Variants in FAT4 observed in about 807,000 individuals in gnomAD.
FAT4 encodes the protein protocadherin Fat 4.
A neutral mutation model predicts 303.9 loss-of-function variants in FAT4; 84 were observed. The ratio of observed to expected loss-of-function variants is 0.28; its 90% CI spans 0.23 to 0.33. The LOEUF (loss-of-function observed/expected upper bound fraction) is 0.33, where lower values mean the gene tolerates loss of function less well. Among genes scored for constraint, FAT4 ranks in the 10% least tolerant of loss-of-function variants. FAT4 has a pLI of 1.00. For synonymous variants in FAT4, 2,307 were observed against 2,298.8 expected (o/e 1.00, Z -0.10); for missense variants, 6,005 against 6,146.8 (o/e 0.98, Z 0.77).
At chr4:125,373,783 T>A (rs1424764340) in intron 2 of FAT4, among the ~76,000 whole-genome samples, 3 of 152,098 alleles carry the variant, frequency 2.0e-5, no homozygotes, top group Admixed American at 2.0e-4. Flanking sequence ...CAGGTGAACA[T>A]GAAAAAGCCA....
intron 2 of FAT4, among the ~76,000 whole-genome samples, chr4:125,374,909 CT>C (rs1377780126): frequency 6.6e-6 from 1 of 152,108 alleles, no homozygotes; most frequent in African/African-American, 2.4e-5. Flanking sequence ...CTAATATTAG[CT>C]GTCATATTAA....
intron 12 of FAT4, among the ~76,000 whole-genome samples, chr4:125,471,390 A>C (rs1726850474): frequency 6.6e-6 from 1 of 152,222 alleles, no homozygotes; most frequent in Admixed American, 6.5e-5. Flanking sequence ...AAAATAAAAT[A>C]TCTGCAAAGT....
chr4:125,408,698 C>T lies in FAT4; in HGVS notation c.5824C>T (p.Pro1942Ser). 1.9e-6 allele frequency: 3 copies of T among 1,610,930 alleles called. No homozygotes were observed. Among genetic ancestry groups the T allele is most frequent in the Non-Finnish European group, 2.5e-6 (3 of 1,177,562 alleles). Residue 1942 changes from proline (P) to serine (S), a missense_variant, in exon 5 of 18, where the codon CCT (proline) becomes TCT (serine). By Grantham distance (74) the Pro-to-Ser change is moderately conservative (BLOSUM62 -1). Transcript: ENST00000394329. ...TATTCTAGATGTAAATGATAATCCA[C>T]CTATTTTCAGCTTGAATTCATACAG... ...FNILDVNDNP[P>S]IFSLNSYSTS...
At chr4:125,445,433 T>A (rs576025607) in intron 8 of FAT4, among the ~76,000 whole-genome samples, 1 of 152,134 alleles carries the variant, frequency 6.6e-6, no homozygotes, top group African/African-American at 2.4e-5. Flanking sequence ...CCAACAAGGG[T>A]ATCTATTTGT....
At chr4:125,364,674 G>A (rs1371855379) in intron 2 of FAT4, among the ~76,000 whole-genome samples, 1 of 151,822 alleles carries the variant, frequency 6.6e-6, no homozygotes, top group Non-Finnish European at 1.5e-5. Context: ...GCCATGAGCT[G>A]GAAACGCATA....
chr4:125,388,461 C>G (rs1204049684), intron 2 of FAT4, among the ~76,000 whole-genome samples: 1 of 152,012 alleles, frequency 6.6e-6, no homozygotes, highest in African/African-American at 2.4e-5. Context: ...TAAAATTTCC[C>G]TTTGATATGT....
At chr4:125,347,276 A>T (rs1732041340) in intron 2 of FAT4, among the ~76,000 whole-genome samples, 1 of 151,000 alleles carries the variant, frequency 6.6e-6, no homozygotes. Flanking sequence ...TACATATTTT[A>T]TATACAGAAA....
At chr4:125,415,895 CT>C (rs1292374766) in intron 6 of FAT4, 89 bp downstream of exon 6, 1 of 957,664 alleles carries the variant, frequency 1.0e-6, no homozygotes, top group African/African-American at 1.7e-5. Context: ...TACGCTTCCC[CT>C]GTTCTCTCCT....
chr4:125,437,154 C>T (rs891819465), intron 8 of FAT4, among the ~76,000 whole-genome samples: 10 of 151,710 alleles, frequency 6.6e-5, no homozygotes, highest in South Asian at 6.3e-4. Flanking sequence ...CATGCCTGGC[C>T]GACACATGGG....
intron 2 of FAT4, among the ~76,000 whole-genome samples, chr4:125,326,365 C>T (rs1731156188): frequency 6.6e-6 from 1 of 151,372 alleles, no homozygotes; most frequent in African/African-American, 2.4e-5. Flanking sequence ...AGAATACAGG[C>T]AAGAGAGCTG....
chr4:125,467,043 C>G (rs760370217), intron 11 of FAT4, among the ~76,000 whole-genome samples: 31 of 152,108 alleles, frequency 2.0e-4, no homozygotes, highest in Non-Finnish European at 4.3e-4. Context: ...TCCCAAAGTG[C>G]TGGGATTACA....
At chr4:125,357,417 A>G (rs78188548) in intron 2 of FAT4, among the ~76,000 whole-genome samples, 1 of 152,136 alleles carries the variant, frequency 6.6e-6, no homozygotes, top group Non-Finnish European at 1.5e-5. Flanking sequence ...GGATAGATTT[A>G]TACCTTAACC....
chr4:125,364,371 A>G (rs2710590), intron 2 of FAT4, among the ~76,000 whole-genome samples: 119,136 of 152,038 alleles, frequency 0.78, 47,123 homozygotes, highest in African/African-American at 0.9. Flanking sequence ...TGCTGGACCT[A>G]GAAATTTAGC....
At chr4:125,376,337 T>G (rs1365006839) in intron 2 of FAT4, among the ~76,000 whole-genome samples, 2 of 152,064 alleles carry the variant, frequency 1.3e-5, no homozygotes, top group Non-Finnish European at 2.9e-5. Flanking sequence ...TAATTAGGGG[T>G]AAAATGGACC....
At position 125,317,469 on chromosome 4, in the gene FAT4, T is replaced by C. The variant is rs745656629; in HGVS notation, c.1058T>C (p.Val353Ala). The C allele has an allele frequency of 1.4e-5, 22 of 1,613,534 alleles. No homozygotes were observed. The highest frequency in any genetic ancestry group is 1.9e-5 in the Non-Finnish European group (22 of 1,180,050). ...LLDVNDNDPV[V>A]KFRYFPATSR... ...GACGTGAATGACAATGACCCGGTAGTGAAGTTCCGCTACTTCCCGGCCACC... is the reference window on the plus strand; with the variant it reads ...GACGTGAATGACAATGACCCGGTAGCGAAGTTCCGCTACTTCCCGGCCACC... Residue 353 changes from valine (V) to alanine (A), a missense_variant, in exon 2 of 18, where the codon GTG becomes GCG. Physicochemically the swap from Val to Ala is moderately conservative, Grantham distance 64. Transcript: ENST00000394329. This position sits in a 1 kb window ranked among gnomAD's most constrained non-coding sequence, Gnocchi z 7.0.
At chr4:125,421,410 T>C (rs1276336116) in intron 7 of FAT4, among the ~76,000 whole-genome samples, 1 of 152,230 alleles carries the variant, frequency 6.6e-6, no homozygotes, top group East Asian at 1.9e-4. Context: ...AATTTTATTA[T>C]GGAAATTTTG....
intron 3 of FAT4, among the ~76,000 whole-genome samples, chr4:125,406,238 C>A (rs1560802503): frequency 6.6e-6 from 1 of 152,088 alleles, no homozygotes; most frequent in Non-Finnish European, 1.5e-5. Flanking sequence ...TCCCAACACC[C>A]CTTGTTGAAG....
chr4:125,356,362 G>T (rs1732422926), intron 2 of FAT4, among the ~76,000 whole-genome samples: 2 of 151,904 alleles, frequency 1.3e-5, no homozygotes, highest in South Asian at 2.1e-4. Context: ...TATTGCATGT[G>T]TGGTCAATAT....
intron 8 of FAT4, among the ~76,000 whole-genome samples, chr4:125,437,002 A>C (rs1231915773): frequency 6.6e-6 from 1 of 151,870 alleles, no homozygotes; most frequent in Non-Finnish European, 1.5e-5. Flanking sequence ...TTACAGGTGC[A>C]CGCCACCACA....
Sources: gnomAD v4.1 joint callset for allele counts (sites outside exome capture counted in the v4.1 genomes callset) on GRCh38, gnomAD v4.1.1 for gene constraint, Gnocchi (gnomAD v3.1) non-coding constraint, MANE v1.5 for transcripts, NCBI Gene and HGNC (gene_info 2026-07-23, HGNC 2026-07-21) for gene names.